Variants in KLF12 observed in about 807,000 individuals in gnomAD.
The protein encoded by KLF12 is Krueppel-like factor 12.
KLF12 carries 9 observed loss-of-function variants against 37.8 expected under a neutral mutation model. That is an observed-to-expected ratio of 0.24 (90% CI 0.14 to 0.42). The LOEUF (loss-of-function observed/expected upper bound fraction) is 0.42, where lower values mean the gene tolerates loss of function less well. Ranked by LOEUF, KLF12 falls within the 10% of genes least tolerant of loss-of-function variation. KLF12 has a pLI of 1.00. For synonymous variants in KLF12, 208 were observed against 202.1 expected, an observed-to-expected ratio of 1.03 and a Z score of -0.25; for missense variants, 411 against 516.0, an observed-to-expected ratio of 0.80 and a Z score of 1.97.
the KLF12 span, among the ~76,000 whole-genome samples, chr13:74,210,416 T>C: frequency 2.0e-5 from 3 of 152,176 alleles, no homozygotes; most frequent in African/African-American, 7.2e-5. Context: ...ACCATCAAAA[T>C]TGTCCAAAGA....
chr13:74,217,058 A>G, the KLF12 span, among the ~76,000 whole-genome samples: 1 of 152,200 alleles, frequency 6.6e-6, no homozygotes, highest in Admixed American at 6.5e-5. Context: ...ACTCCCTTTT[A>G]TATACACACA....
the KLF12 span, among the ~76,000 whole-genome samples, chr13:74,291,301 G>T: frequency 6.6e-6 from 1 of 152,214 alleles, no homozygotes; most frequent in South Asian, 2.1e-4. Context: ...AGTTGTGCAT[G>T]AGTTAGGAAT....
the KLF12 span, among the ~76,000 whole-genome samples, chr13:74,163,603 G>T: frequency 1.3e-5 from 2 of 152,038 alleles, no homozygotes; most frequent in Non-Finnish European, 2.9e-5. Flanking sequence ...GAGGGAAGGT[G>T]GGGATGGTTA....
At chr13:74,196,525 T>C in the KLF12 span, among the ~76,000 whole-genome samples, 1 of 152,202 alleles carries the variant, frequency 6.6e-6, no homozygotes, top group Non-Finnish European at 1.5e-5. Context: ...GCATTTTTAA[T>C]GGAAATGTAC....
chr13:73,784,676 G>C (rs1221423484), intron 5 of KLF12, among the ~76,000 whole-genome samples: 1 of 149,694 alleles, frequency 6.7e-6, no homozygotes, highest in Non-Finnish European at 1.5e-5. Context: ...TGTTGCCCAG[G>C]CTGGAGTGCA....
chr13:73,899,655 A>G (rs1887950505), intron 3 of KLF12, among the ~76,000 whole-genome samples: 1 of 152,124 alleles, frequency 6.6e-6, no homozygotes, highest in Non-Finnish European at 1.5e-5. Flanking sequence ...GCACCATCCA[A>G]TCAGCTGAGG....
At position 73,715,482 on chromosome 13, in the gene KLF12, G is replaced by T; in HGVS notation, c.913C>A (p.Arg305=). Residue 305 remains arginine (R), a synonymous_variant, in exon 7 of 8, where the codon CGG becomes AGG. Transcript: ENST00000377669. ...TTTCTGGAGTCTGGGGATTCAGACC[G>T]TCTCTGGCGTCTTGTGCTCTCAATA... 6.2e-7 allele frequency: 1 copy of T among 1,614,016 alleles called. No homozygotes were observed. Among genetic ancestry groups the T allele is most frequent in the Non-Finnish European group, 8.5e-7 (1 of 1,179,938 alleles).
the KLF12 span, among the ~76,000 whole-genome samples, chr13:74,182,918 C>T: frequency 1.3e-5 from 2 of 151,918 alleles, no homozygotes; most frequent in South Asian, 2.1e-4. Flanking sequence ...TATGGGGGAC[C>T]CTGAATGCAG....
At chr13:73,761,279 G>A (rs1009598554) in intron 6 of KLF12, among the ~76,000 whole-genome samples, 5 of 152,062 alleles carry the variant, frequency 3.3e-5, no homozygotes, top group African/African-American at 1.2e-4. Context: ...ATAATGTGAA[G>A]GGTAGTAGAA....
At chr13:73,779,223 G>A (rs1880811187) in intron 5 of KLF12, among the ~76,000 whole-genome samples, 1 of 152,068 alleles carries the variant, frequency 6.6e-6, no homozygotes, top group African/African-American at 2.4e-5. Context: ...TTATGTTAAT[G>A]AGATGACATA....
At chr13:74,134,851 G>C (rs1017081338), upstream of KLF12, among the ~76,000 whole-genome samples, 1 of 151,988 alleles carries the variant, frequency 6.6e-6, no homozygotes, top group Non-Finnish European at 1.5e-5. Flanking sequence ...GCACCCGCCC[G>C]GGTGGGGGCG....
chr13:74,155,228 C>T, the KLF12 span, among the ~76,000 whole-genome samples: 24 of 152,314 alleles, frequency 1.6e-4, no homozygotes, highest in Middle Eastern at 3.4e-3. Context: ...CATGCCCCCA[C>T]ATGCAGCGGG....
intron 5 of KLF12, among the ~76,000 whole-genome samples, chr13:73,806,928 C>A (rs1882668814): frequency 1.3e-5 from 2 of 151,830 alleles, no homozygotes; most frequent in Admixed American, 1.3e-4. Context: ...AGGAGGGGTG[C>A]AAGGAGTTTA....
chr13:73,818,805 G>T (rs1362852267), intron 4 of KLF12, among the ~76,000 whole-genome samples: 2 of 152,218 alleles, frequency 1.3e-5, no homozygotes, highest in Non-Finnish European at 2.9e-5. Flanking sequence ...TGGCTGCCCA[G>T]GCAGGCGCCA....
the KLF12 span, among the ~76,000 whole-genome samples, chr13:74,171,379 G>C: frequency 6.6e-6 from 1 of 152,236 alleles, no homozygotes; most frequent in Middle Eastern, 3.4e-3. Context: ...CATCCAGTTA[G>C]GAGACTGGGC....
chr13:74,095,863 G>A (rs748031914), intron 1 of KLF12, among the ~76,000 whole-genome samples: 1 of 152,110 alleles, frequency 6.6e-6, no homozygotes, highest in Non-Finnish European at 1.5e-5. Flanking sequence ...CAGAATTGTT[G>A]GGGTGTGTAG....
chr13:74,189,899 G>A, the KLF12 span, among the ~76,000 whole-genome samples: 2 of 151,752 alleles, frequency 1.3e-5, no homozygotes, highest in Admixed American at 1.3e-4. Context: ...AACATTTAAT[G>A]TTTCGACTAG....
chr13:73,798,164 T>A (rs59538637), intron 5 of KLF12, among the ~76,000 whole-genome samples: 1 of 152,096 alleles, frequency 6.6e-6, no homozygotes, highest in African/African-American at 2.4e-5. Context: ...AAACGAGCAA[T>A]GGGGAAAAGA....
the KLF12 span, among the ~76,000 whole-genome samples, chr13:74,244,824 G>C: frequency 6.6e-6 from 1 of 152,118 alleles, no homozygotes; most frequent in African/African-American, 2.4e-5. Context: ...CCTGAGTTTT[G>C]AATTCCCCCA....
Sources: allele counts gnomAD v4.1 joint callset (sites outside exome capture counted in the v4.1 genomes callset), GRCh38; gene constraint gnomAD v4.1.1; transcripts MANE v1.5; gene names NCBI Gene and HGNC (gene_info 2026-07-23, HGNC 2026-07-21).